SUMF1: variants seen among roughly 807,000 people sequenced by gnomAD.
The protein encoded by SUMF1 is formylglycine-generating enzyme.
Under a neutral mutation model 47.6 loss-of-function variants are expected in SUMF1, and 48 were observed. The observed-to-expected ratio is 1.01, with a 90% CI of 0.80 to 1.28. SUMF1 has a LOEUF of 1.28. SUMF1 is among the 50% of genes most tolerant of loss of function. The pLI is 0.00. For synonymous variants in SUMF1, 230 were observed against 192.1 expected (o/e 1.20, Z -1.63); for missense variants, 571 against 485.4 (o/e 1.18, Z -1.66).
At chr3:4,460,783 C>T (rs547167743) in intron 1 of SUMF1, among the ~76,000 whole-genome samples, 6 of 151,922 alleles carry the variant, frequency 3.9e-5, no homozygotes, top group South Asian at 2.1e-4. Flanking sequence ...TCAGCCTCTA[C>T]GCAGCTGGCA....
chr3:4,415,460 C>G (rs1301069587), intron 6 of SUMF1, among the ~76,000 whole-genome samples: 1 of 146,806 alleles, frequency 6.8e-6, no homozygotes, highest in Non-Finnish European at 1.5e-5. Flanking sequence ...AAACTCTTAC[C>G]AAGAAAAGTT....
At chr3:4,184,598 A>T (rs80182329) in intron 8 of SUMF1, among the ~76,000 whole-genome samples, 51,870 of 151,716 alleles carry the variant, frequency 0.34, 9,026 homozygotes, top group East Asian at 0.4. Flanking sequence ...CATAATTAAT[A>T]AATTAAATCC....
chr3:4,407,295 T>C (rs559208120), intron 7 of SUMF1, among the ~76,000 whole-genome samples: 6 of 152,252 alleles, frequency 3.9e-5, no homozygotes, highest in Non-Finnish European at 8.8e-5. Context: ...ATATATTTCC[T>C]GAATAGCCTT....
At chr3:4,407,607 A>T (rs956484156) in intron 7 of SUMF1, among the ~76,000 whole-genome samples, 28 of 152,216 alleles carry the variant, frequency 1.8e-4, no homozygotes, top group Admixed American at 6.5e-4. Flanking sequence ...TTTGCTAAGC[A>T]CTAGAGATAC....
intron 3 of SUMF1, among the ~76,000 whole-genome samples, chr3:4,430,905 T>C (rs1179345209): frequency 6.6e-6 from 1 of 152,124 alleles, no homozygotes; most frequent in Non-Finnish European, 1.5e-5. Flanking sequence ...ACAGGTGTAC[T>C]TGAACTAATC....
At chr3:4,058,081 G>T (rs1024337274) in intron 9 of SUMF1, among the ~76,000 whole-genome samples, 1 of 152,046 alleles carries the variant, frequency 6.6e-6, no homozygotes, top group African/African-American at 2.4e-5. Context: ...AGTATCCATG[G>T]AAGGAAATTG....
intron 8 of SUMF1, among the ~76,000 whole-genome samples, chr3:4,299,054 T>G (rs2125062262): frequency 6.6e-6 from 1 of 152,364 alleles, no homozygotes; most frequent in South Asian, 2.1e-4. Flanking sequence ...TGTTTCTTAA[T>G]TATACTATAA....
At chr3:4,294,014 C>T (rs1697791471) in intron 8 of SUMF1, among the ~76,000 whole-genome samples, 1 of 152,176 alleles carries the variant, frequency 6.6e-6, no homozygotes, top group Non-Finnish European at 1.5e-5. Flanking sequence ...ACATTCACCC[C>T]TACCACTCAT....
At chr3:4,036,306 C>T (rs1209075804) in intron 9 of SUMF1, among the ~76,000 whole-genome samples, 2 of 152,146 alleles carry the variant, frequency 1.3e-5, no homozygotes, top group African/African-American at 4.8e-5. Context: ...TGAAATAGCT[C>T]ATTTAGAGCT....
chr3:4,083,058 G>C (rs547368371), intron 8 of SUMF1, among the ~76,000 whole-genome samples: 1 of 152,110 alleles, frequency 6.6e-6, no homozygotes, highest in East Asian at 1.9e-4. Flanking sequence ...GAACATTAGA[G>C]ACAATGGCAG....
chr3:4,418,240 G>C, intron 4 of SUMF1, 108 bp from the exon 5 acceptor site: 1 of 1,506,326 alleles, frequency 6.6e-7, no homozygotes, highest in Admixed American at 1.9e-5. Flanking sequence ...CTGTGACACT[G>C]AGGTCATCCT....
chr3:4,255,171 T>G (rs1457945925), intron 8 of SUMF1, among the ~76,000 whole-genome samples: 1 of 144,220 alleles, frequency 6.9e-6, no homozygotes, highest in Non-Finnish European at 1.5e-5. Flanking sequence ...TGCCAAATTG[T>G]AAAGACCATC....
chr3:4,171,232 G>A (rs1009499770), intron 8 of SUMF1, among the ~76,000 whole-genome samples: 1 of 152,158 alleles, frequency 6.6e-6, no homozygotes, highest in Admixed American at 6.5e-5. Flanking sequence ...AAGGAGTATT[G>A]CAGATGCTCT....
intron 8 of SUMF1, among the ~76,000 whole-genome samples, chr3:4,328,146 G>A (rs566359840): frequency 6.6e-6 from 1 of 152,250 alleles, no homozygotes; most frequent in East Asian, 1.9e-4. Context: ...TGAGTCTGTA[G>A]GTTCAGGCTG....
intron 8 of SUMF1, among the ~76,000 whole-genome samples, chr3:4,214,365 T>C (rs1174377356): frequency 1.3e-5 from 2 of 152,042 alleles, no homozygotes; most frequent in African/African-American, 2.4e-5. Context: ...CCAATGAGAA[T>C]GAAGACACAA....
chr3:4,357,367 T>C (rs1699643097), downstream of SUMF1, among the ~76,000 whole-genome samples: 1 of 151,348 alleles, frequency 6.6e-6, no homozygotes, highest in Admixed American at 6.6e-5. Context: ...GCAAAAATTC[T>C]GTTTGCAGCT....
chr3:4,135,712 A>G (rs1191630319), intron 8 of SUMF1, among the ~76,000 whole-genome samples: 1 of 152,212 alleles, frequency 6.6e-6, no homozygotes. Context: ...ACATGATTGT[A>G]TATCTAGAAA....
intron 8 of SUMF1, among the ~76,000 whole-genome samples, chr3:4,212,201 T>C (rs1406417870): frequency 2.0e-5 from 3 of 152,128 alleles, no homozygotes; most frequent in Non-Finnish European, 4.4e-5. Flanking sequence ...ATCTGGCAGA[T>C]GCCCCTCTGG....
At chr3:4,339,002 G>C (rs1442809729) in intron 8 of SUMF1, among the ~76,000 whole-genome samples, 2 of 152,150 alleles carry the variant, frequency 1.3e-5, no homozygotes, top group Non-Finnish European at 2.9e-5. Context: ...ATGTTAGTGT[G>C]ATGAGCCTGA....
Sources: gnomAD v4.1 joint callset for allele counts (sites outside exome capture counted in the v4.1 genomes callset) on GRCh38, gnomAD v4.1.1 for gene constraint, MANE v1.5 for transcripts, NCBI Gene and HGNC (gene_info 2026-07-23, HGNC 2026-07-21) for gene names.